The following GRIA4 variants were observed in gnomAD, a reference collection of about 807,000 sequenced individuals.
GRIA4 encodes glutamate receptor 4.
Under a neutral mutation model 104.0 loss-of-function variants are expected in GRIA4, and 34 were observed. The ratio of observed to expected loss-of-function variants is 0.33; its 90% CI spans 0.25 to 0.44. GRIA4 has a LOEUF of 0.44. Among genes scored for constraint, GRIA4 ranks in the 20% least tolerant of loss-of-function variants. The pLI is 1.00. For missense variants in GRIA4, 750 were observed against 1,096.5 expected (o/e 0.68, Z 4.46); for synonymous variants, 386 against 381.9 (o/e 1.01, Z -0.13).
At chr11:105,891,472 A>C (rs1946452497) in intron 6 of GRIA4, among the ~76,000 whole-genome samples, 1 of 152,064 alleles carries the variant, frequency 6.6e-6, no homozygotes, top group Non-Finnish European at 1.5e-5. Context: ...GCCCTTTAAG[A>C]TTTTATCCCT....
intron 3 of GRIA4, among the ~76,000 whole-genome samples, chr11:105,627,664 C>T (rs1950922114): frequency 6.6e-6 from 1 of 152,146 alleles, no homozygotes; most frequent in East Asian, 1.9e-4. Context: ...TTAGTTCTAG[C>T]AACAAATACT....
In GRIA4 at chr11:105,910,392, A is replaced by G. The variant is rs748280826; in HGVS notation, c.1159-43A>G. On this transcript the variant is annotated intron_variant, in intron 9 of 16. Transcript: ENST00000282499. ...ATTTTTCTAAGAAGAACTAGAGTAA[A>G]TGCTTCTAAAATATGTTTTCAAGCA... The G allele has an allele frequency of 3.2e-6, 3 of 936,004 alleles. No homozygotes were observed. In the Admixed American group the frequency reaches 5.1e-5, roughly 16 times the overall value. 58.0% of individuals were successfully genotyped at this position (936,004 alleles called of 1,614,324 possible). A position where few individuals can be genotyped will look rare whatever the true frequency, so the allele number is the denominator to read the frequency against.
At chr11:105,767,821 C>T (rs1941020711) in intron 4 of GRIA4, among the ~76,000 whole-genome samples, 1 of 152,074 alleles carries the variant, frequency 6.6e-6, no homozygotes, top group African/African-American at 2.4e-5. Context: ...CAACTTCACA[C>T]AGGGAGTGGC....
intron 10 of GRIA4, chr11:105,912,988 G>T: frequency 1.0e-6 from 1 of 956,654 alleles, no homozygotes; most frequent in Non-Finnish European, 1.2e-6. Context: ...AATTCATTTT[G>T]ATTGAAATTG....
intron 3 of GRIA4, among the ~76,000 whole-genome samples, chr11:105,720,981 T>C (rs1937768129): frequency 1.3e-5 from 2 of 152,170 alleles, no homozygotes; most frequent in Admixed American, 1.3e-4. Flanking sequence ...AGAAGTCAAG[T>C]GGGAATGGGG....
At chr11:105,846,190 T>C (rs1944587377) in intron 4 of GRIA4, among the ~76,000 whole-genome samples, 1 of 152,224 alleles carries the variant, frequency 6.6e-6, no homozygotes, top group African/African-American at 2.4e-5. Context: ...GTGGTATATA[T>C]AGTATTTCTG....
At chr11:105,762,080 A>G (rs927142569) in intron 4 of GRIA4, among the ~76,000 whole-genome samples, 5 of 151,760 alleles carry the variant, frequency 3.3e-5, no homozygotes, top group African/African-American at 4.8e-5. Flanking sequence ...CTGAAGTGCA[A>G]TTGTGTGATC....
intron 4 of GRIA4, among the ~76,000 whole-genome samples, chr11:105,814,290 G>A (rs1234812638): frequency 2.0e-5 from 3 of 152,144 alleles, no homozygotes; most frequent in Non-Finnish European, 4.4e-5. Flanking sequence ...TGTCTGGTAC[G>A]TAGTGTCAAA....
At chr11:105,924,797 A>T in intron 12 of GRIA4, 28 bp downstream of exon 12, 2 of 1,505,928 alleles carry the variant, frequency 1.3e-6, no homozygotes, top group Non-Finnish European at 1.8e-6. Flanking sequence ...TAAGTTCTTC[A>T]CTGATTTCCC....
intron 4 of GRIA4, among the ~76,000 whole-genome samples, chr11:105,772,121 A>C (rs1022804980): frequency 2.6e-5 from 4 of 152,154 alleles, no homozygotes; most frequent in Admixed American, 2.6e-4. Context: ...TTGAAGCGAC[A>C]TGTGATGCTA....
chr11:105,645,511 T>C (rs1300029328), intron 3 of GRIA4, among the ~76,000 whole-genome samples: 1 of 150,054 alleles, frequency 6.7e-6, no homozygotes, highest in East Asian at 2.1e-4. Context: ...AGACAATTCA[T>C]CAACACTATT....
At chr11:105,640,000 A>AT (rs1490360003) in intron 3 of GRIA4, among the ~76,000 whole-genome samples, 4 of 152,032 alleles carry the variant, frequency 2.6e-5, no homozygotes, top group Admixed American at 6.6e-5. Flanking sequence ...ACTTGTAATG[A>AT]TTTTTTAAAT....
At chr11:105,822,585 T>G (rs1329787652) in intron 4 of GRIA4, among the ~76,000 whole-genome samples, 1 of 152,154 alleles carries the variant, frequency 6.6e-6, no homozygotes, top group Non-Finnish European at 1.5e-5. Context: ...TTTACCATAT[T>G]TGTTCATGTG....
intron 6 of GRIA4, 134 bp from the exon 7 acceptor site, chr11:105,898,135 T>C (rs1428387628): frequency 4.4e-6 from 2 of 459,616 alleles, no homozygotes; most frequent in Admixed American, 4.0e-5. Context: ...TCTTTTATTA[T>C]CATTTTCCAC....
At chr11:105,728,657 A>T (rs184747990) in intron 3 of GRIA4, among the ~76,000 whole-genome samples, 29 of 152,272 alleles carry the variant, frequency 1.9e-4, no homozygotes, top group African/African-American at 6.3e-4. Context: ...AAACAGTCTC[A>T]GACTGCAGTG....
At chr11:105,908,376 T>C (rs1424839179) in intron 9 of GRIA4, among the ~76,000 whole-genome samples, 1 of 152,156 alleles carries the variant, frequency 6.6e-6, no homozygotes, top group Non-Finnish European at 1.5e-5. Context: ...AAATCAGTCA[T>C]GGGAAAAGTT....
intron 12 of GRIA4, among the ~76,000 whole-genome samples, chr11:105,926,034 A>G (rs1192330607): frequency 6.6e-6 from 1 of 152,078 alleles, no homozygotes; most frequent in Non-Finnish European, 1.5e-5. Context: ...AGAAAATCGT[A>G]TATGAGTGTG....
chr11:105,644,022 G>C (rs1256386857), intron 3 of GRIA4, among the ~76,000 whole-genome samples: 2 of 152,088 alleles, frequency 1.3e-5, no homozygotes, highest in Admixed American at 6.5e-5. Context: ...CCTGGCCCTT[G>C]CCTTGGTTTT....
chr11:105,970,795 A>G (rs989305995), intron 14 of GRIA4, among the ~76,000 whole-genome samples: 2 of 152,224 alleles, frequency 1.3e-5, no homozygotes, highest in South Asian at 2.1e-4. Flanking sequence ...TGAAAAACCA[A>G]TAAGCCAACA....
Sources: allele counts gnomAD v4.1 joint callset (sites outside exome capture counted in the v4.1 genomes callset), GRCh38; gene constraint gnomAD v4.1.1; transcripts MANE v1.5; gene names NCBI Gene and HGNC (gene_info 2026-07-23, HGNC 2026-07-21).